NR2F1-AS1: variants seen among roughly 807,000 people sequenced by gnomAD.
The protein encoded by NR2F1-AS1 is NR2F1 regulatory antisense RNA 1, also known as NR2F1 antisense RNA 1.
intron 4 of NR2F1-AS1, among the ~76,000 whole-genome samples, chr5:93,439,951 G>A (rs1275324823): frequency 6.6e-6 from 1 of 152,148 alleles, no homozygotes; most frequent in Non-Finnish European, 1.5e-5. Context: ...TGAAGACAAT[G>A]TGTCTAACTC....
intron 4 of NR2F1-AS1, among the ~76,000 whole-genome samples, chr5:93,425,086 AAAC>A (rs1465516503): frequency 1.3e-5 from 2 of 152,226 alleles, no homozygotes; most frequent in Non-Finnish European, 2.9e-5. Flanking sequence ...TTACTAGCTA[AAAC>A]AACATTTTAT....
At chr5:93,444,897 C>T (rs929362591) in intron 4 of NR2F1-AS1, among the ~76,000 whole-genome samples, 3 of 152,196 alleles carry the variant, frequency 2.0e-5, no homozygotes, top group Non-Finnish European at 2.9e-5. Flanking sequence ...TTAAGAAACT[C>T]ACTCAAAACT....
rs1561451742 is a variant in NR2F1-AS1, at chr5:93,464,958, T to TG, written n.639-69417dup. ...AGTATCATCTAGCGCAAGCTGTTCC[T>TG]GAATAACCATCTCCCATTCCTACAG... On this transcript the variant is annotated intron_variant and non_coding_transcript_variant, in intron 4 of 5. Coordinates refer to ENST00000660523, the Ensembl canonical transcript of NR2F1-AS1. Among the ~76,000 whole-genome samples, 3 of 152,244 alleles carry TG rather than the reference T, an allele frequency of 2.0e-5. 1 individual carries two copies. Among genetic ancestry groups the TG allele is most frequent in the Admixed American group, 1.3e-4 (2 of 15,286 alleles).
chr5:93,499,656 C>T (rs1751037742), intron 4 of NR2F1-AS1, among the ~76,000 whole-genome samples: 1 of 152,116 alleles, frequency 6.6e-6, no homozygotes, highest in African/African-American at 2.4e-5. Context: ...CAATGAATAA[C>T]CCTACAATGG....
chr5:93,546,120 T>C (rs1229026416), intron 4 of NR2F1-AS1, among the ~76,000 whole-genome samples: 1 of 152,134 alleles, frequency 6.6e-6, no homozygotes, highest in Non-Finnish European at 1.5e-5. Flanking sequence ...CTCTCTAAAA[T>C]GAAACTATGA....
At chr5:93,466,410 C>T (rs1053537005) in intron 4 of NR2F1-AS1, among the ~76,000 whole-genome samples, 1 of 151,742 alleles carries the variant, frequency 6.6e-6, no homozygotes, top group African/African-American at 2.4e-5. Flanking sequence ...AATCTCAGCT[C>T]ATTGCAACCT....
chr5:93,565,687 G>A (rs996864436), intron 1 of NR2F1-AS1, among the ~76,000 whole-genome samples: 3 of 151,240 alleles, frequency 2.0e-5, no homozygotes, highest in Non-Finnish European at 3.0e-5. Context: ...TTAATCAAAA[G>A]GTAAAATAAA....
rs1171190468 is a variant in NR2F1-AS1 at position 93,579,672 on chromosome 5, C to T, written n.313+795G>A. Among the ~76,000 whole-genome samples the T allele has an allele frequency of 1.3e-5, 2 of 151,942 alleles. No homozygotes were observed. Among genetic ancestry groups the T allele is most frequent in the African/African-American group, 4.8e-5 (2 of 41,378 alleles). Reference sequence around the variant, plus strand: ...CTCTGACGCAAACGCACGCCCCTGCCCCGCACGGAGGAAAGCGCTCTTGTT... The same window carrying T: ...CTCTGACGCAAACGCACGCCCCTGCTCCGCACGGAGGAAAGCGCTCTTGTT... On this transcript the variant is annotated intron_variant and non_coding_transcript_variant, in intron 1 of 5. Coordinates refer to ENST00000660523, the Ensembl canonical transcript of NR2F1-AS1. This position sits in a 1 kb window ranked among gnomAD's most constrained non-coding sequence, Gnocchi z 5.1.
At chr5:93,445,506 G>C (rs368456218) in intron 4 of NR2F1-AS1, among the ~76,000 whole-genome samples, 7 of 151,838 alleles carry the variant, frequency 4.6e-5, no homozygotes, top group African/African-American at 1.7e-4. Flanking sequence ...GGAAGAAGTT[G>C]AATCCCTGAA....
At chr5:93,556,586 G>A (rs951274946) in intron 2 of NR2F1-AS1, among the ~76,000 whole-genome samples, 2 of 152,102 alleles carry the variant, frequency 1.3e-5, no homozygotes, top group Admixed American at 6.6e-5. Context: ...TCATTAGGGT[G>A]GGCCCTAATC....
At chr5:93,426,460 G>GA (rs1396297808) in intron 4 of NR2F1-AS1, among the ~76,000 whole-genome samples, 1 of 152,166 alleles carries the variant, frequency 6.6e-6, no homozygotes, top group Non-Finnish European at 1.5e-5. Flanking sequence ...TTCAAGGTCT[G>GA]AACATGTTTT....
chr5:93,537,373 C>A (rs1030433082), intron 4 of NR2F1-AS1, among the ~76,000 whole-genome samples: 34 of 152,110 alleles, frequency 2.2e-4, no homozygotes, highest in Admixed American at 3.9e-4. Flanking sequence ...AACAAATATT[C>A]TCCTATTCTC....
At chr5:93,487,458 C>T (rs879906526) in intron 4 of NR2F1-AS1, among the ~76,000 whole-genome samples, 8 of 152,058 alleles carry the variant, frequency 5.3e-5, no homozygotes, top group Non-Finnish European at 1.2e-4. Context: ...CAATAATAGA[C>T]AAACAGCCAA....
chr5:93,447,590 CT>C (rs1749741754), intron 4 of NR2F1-AS1, among the ~76,000 whole-genome samples: 1 of 152,162 alleles, frequency 6.6e-6, no homozygotes, highest in East Asian at 1.9e-4. Flanking sequence ...AATAGGAACA[CT>C]TTTACACTGT....
At chr5:93,514,869 G>A (rs1055862357) in intron 4 of NR2F1-AS1, among the ~76,000 whole-genome samples, 1 of 151,968 alleles carries the variant, frequency 6.6e-6, no homozygotes, top group African/African-American at 2.4e-5. Context: ...TTTCTTATAA[G>A]CTCTGTGATT....
chr5:93,461,073 G>A (rs1750079953), intron 4 of NR2F1-AS1, among the ~76,000 whole-genome samples: 1 of 152,154 alleles, frequency 6.6e-6, no homozygotes, highest in African/African-American at 2.4e-5. Flanking sequence ...GCAAAGACAT[G>A]CAATCAACCC....
chr5:93,575,852 T>C (rs1361228737), intron 1 of NR2F1-AS1, among the ~76,000 whole-genome samples: 2 of 152,232 alleles, frequency 1.3e-5, no homozygotes, highest in Non-Finnish European at 2.9e-5. Context: ...TGCATACTTA[T>C]GCATGAGGGT....
At chr5:93,535,975 T>C (rs975169488) in intron 4 of NR2F1-AS1, among the ~76,000 whole-genome samples, 1 of 151,846 alleles carries the variant, frequency 6.6e-6, no homozygotes, top group African/African-American at 2.4e-5. Flanking sequence ...GAGAAAGAAA[T>C]AAAAGACATG....
chr5:93,544,038 A>G (rs1224471049), intron 4 of NR2F1-AS1: 1 of 152,206 alleles, frequency 6.6e-6, no homozygotes, highest in Non-Finnish European at 1.5e-5. Flanking sequence ...CAAAGCAAGA[A>G]AAGAGAAATG....
Sources: allele counts gnomAD v4.1 joint callset (sites outside exome capture counted in the v4.1 genomes callset), GRCh38; gene constraint gnomAD v4.1.1; non-coding constraint Gnocchi (gnomAD v3.1); transcripts MANE v1.5; gene names NCBI Gene and HGNC (gene_info 2026-07-23, HGNC 2026-07-21).